Variants in FAM107B observed in about 807,000 individuals in gnomAD.
FAM107B encodes family with sequence similarity 107 member B.
FAM107B carries 21 observed loss-of-function variants against 31.5 expected under a neutral mutation model. That is an observed-to-expected ratio of 0.67 (90% CI 0.47 to 0.96). The LOEUF is 0.96. FAM107B is among the 40% of genes least tolerant of loss of function. The probability of loss-of-function intolerance (pLI) is 0.00; values close to 1 mark genes in which losing one functional copy is unlikely to be tolerated. For synonymous variants in FAM107B, 157 were observed against 141.5 expected (o/e 1.11, Z -0.78); for missense variants, 452 against 377.1 (o/e 1.20, Z -1.64).
intron 3 of FAM107B, among the ~76,000 whole-genome samples, chr10:14,527,136 CCTT>C (rs1297418953): frequency 6.6e-6 from 1 of 151,800 alleles, no homozygotes; most frequent in African/African-American, 2.4e-5. Context: ...CACACCCAGC[CCTT>C]CTTAATTGTT....
chr10:14,762,348 G>A (rs1270415991), intron 1 of FAM107B, among the ~76,000 whole-genome samples: 1 of 152,174 alleles, frequency 6.6e-6, no homozygotes, highest in Non-Finnish European at 1.5e-5. Flanking sequence ...TCGGGAACCT[G>A]CACCCAGAGG....
intron 3 of FAM107B, among the ~76,000 whole-genome samples, chr10:14,522,838 C>T (rs1031599126): frequency 6.6e-6 from 1 of 152,166 alleles, no homozygotes; most frequent in Non-Finnish European, 1.5e-5. Flanking sequence ...TCTAAAGGCA[C>T]ATCTGAGGTT....
chr10:14,659,965 T>C (rs1457896543), intron 2 of FAM107B, among the ~76,000 whole-genome samples: 1 of 152,242 alleles, frequency 6.6e-6, no homozygotes, highest in Non-Finnish European at 1.5e-5. Context: ...TGGGGTTCGT[T>C]ACTTCACACT....
chr10:14,768,295 G>A (rs114802123), intron 1 of FAM107B, among the ~76,000 whole-genome samples: 3,538 of 152,116 alleles, frequency 0.023, 72 homozygotes, highest in Middle Eastern at 0.051. Context: ...AGAAAAATTC[G>A]TCCTAAAATT....
chr10:14,723,450 G>A, intron 1 of FAM107B: 1 of 559,876 alleles, frequency 1.8e-6, no homozygotes, highest in Non-Finnish European at 3.4e-6. Flanking sequence ...GTCTGTACAA[G>A]TAGAGATCAG....
chr10:14,756,767 C>T (rs990432731), intron 1 of FAM107B, among the ~76,000 whole-genome samples: 1 of 152,128 alleles, frequency 6.6e-6, no homozygotes, highest in Non-Finnish European at 1.5e-5. Flanking sequence ...AACCTAAATG[C>T]CCATCAATGA....
At chr10:14,731,168 T>A (rs1856163563) in intron 1 of FAM107B, among the ~76,000 whole-genome samples, 1 of 152,110 alleles carries the variant, frequency 6.6e-6, no homozygotes, top group Admixed American at 6.6e-5. Flanking sequence ...ATTGAGTACC[T>A]AGGTGTCAAT....
chr10:14,670,489 T>C (rs1226847715), intron 1 of FAM107B, among the ~76,000 whole-genome samples: 3 of 152,198 alleles, frequency 2.0e-5, no homozygotes, highest in South Asian at 2.1e-4. Flanking sequence ...CAGAACAGTA[T>C]ATAATGAAAA....
intron 2 of FAM107B, among the ~76,000 whole-genome samples, chr10:14,549,747 A>G (rs1444368700): frequency 6.6e-6 from 1 of 152,164 alleles, no homozygotes; most frequent in Non-Finnish European, 1.5e-5. Flanking sequence ...ACCCCATCAC[A>G]GCACACCCAA....
intron 1 of FAM107B, among the ~76,000 whole-genome samples, chr10:14,736,983 A>G (rs1258752405): frequency 6.6e-6 from 1 of 152,170 alleles, no homozygotes; most frequent in East Asian, 1.9e-4. Context: ...AAGGCCACAC[A>G]GCAGACCTCA....
chr10:14,665,386 A>G (rs1195872981), intron 2 of FAM107B, among the ~76,000 whole-genome samples: 1 of 152,214 alleles, frequency 6.6e-6, no homozygotes, highest in African/African-American at 2.4e-5. Flanking sequence ...GGTGTCATAA[A>G]AGAACTCAGT....
chr10:14,598,617 G>A (rs1339615986), intron 2 of FAM107B, among the ~76,000 whole-genome samples: 1 of 152,192 alleles, frequency 6.6e-6, no homozygotes, highest in African/African-American at 2.4e-5. Flanking sequence ...AAGCTCTAGA[G>A]AGCTGCCCTA....
At chr10:14,619,370 T>G (rs187399079) in intron 2 of FAM107B, among the ~76,000 whole-genome samples, 36 of 152,332 alleles carry the variant, frequency 2.4e-4, no homozygotes, top group African/African-American at 8.4e-4. Flanking sequence ...CTAGCAGTGT[T>G]TTTCATTTTA....
intron 1 of FAM107B, among the ~76,000 whole-genome samples, chr10:14,771,385 TAGAA>T (rs1262710507): frequency 1.3e-5 from 2 of 152,224 alleles, no homozygotes; most frequent in African/African-American, 4.8e-5. Flanking sequence ...AAAGTACAGT[TAGAA>T]GGAACAAATT....
At chr10:14,666,629 G>T (rs1854410295) in intron 2 of FAM107B, among the ~76,000 whole-genome samples, 1 of 152,166 alleles carries the variant, frequency 6.6e-6, no homozygotes, top group Non-Finnish European at 1.5e-5. Context: ...AGATGGTTGG[G>T]AACGTTTTCT....
rs149687245 is a variant in FAM107B, at chr10:14,616,028, T to C, written c.469+51606A>G. On this transcript the variant is annotated intron_variant, in intron 2 of 4. Transcript: ENST00000181796. ...CACAAAAACTTCCCTTAATAGTTTA[T>C]TCCTTCAAACATTTTGTAACAATTA... Among the ~76,000 whole-genome samples, 756 of 152,358 alleles carry C rather than the reference T, an allele frequency of 5.0e-3. 10 individuals are homozygous for C. Among genetic ancestry groups the C allele is most frequent in the Middle Eastern group, 0.02 (6 of 294 alleles).
chr10:14,544,538 T>TCTA (rs1848526574), intron 2 of FAM107B, among the ~76,000 whole-genome samples: 1 of 152,236 alleles, frequency 6.6e-6, no homozygotes, highest in South Asian at 2.1e-4. Flanking sequence ...AAAATCAGCA[T>TCTA]CTACTCTCAT....
At chr10:14,534,323 G>T (rs913053427) in intron 2 of FAM107B, among the ~76,000 whole-genome samples, 1 of 152,066 alleles carries the variant, frequency 6.6e-6, no homozygotes, top group Non-Finnish European at 1.5e-5. Context: ...TGGTGGTGGC[G>T]GGAGAACCAT....
At chr10:14,697,781 C>A (rs969624453) in intron 1 of FAM107B, among the ~76,000 whole-genome samples, 1 of 152,188 alleles carries the variant, frequency 6.6e-6, no homozygotes, top group Non-Finnish European at 1.5e-5. Context: ...TGCTGTGAGG[C>A]CACTTGCCAC....
Sources: allele counts gnomAD v4.1 joint callset (sites outside exome capture counted in the v4.1 genomes callset), GRCh38; gene constraint gnomAD v4.1.1; transcripts MANE v1.5; gene names NCBI Gene and HGNC (gene_info 2026-07-23, HGNC 2026-07-21).